Variants in MRPL48 observed in about 807,000 individuals in gnomAD.
MRPL48 encodes the protein mitochondrial ribosomal protein L48.
A neutral mutation model predicts 32.9 loss-of-function variants in MRPL48; 16 were observed. The observed-to-expected ratio is 0.49, with a 90% CI of 0.33 to 0.74. The LOEUF (loss-of-function observed/expected upper bound fraction) is 0.74. Ranked by LOEUF, MRPL48 falls within the 30% of genes least tolerant of loss-of-function variation. The probability of loss-of-function intolerance (pLI) is 0.02; values close to 1 mark genes in which losing one functional copy is unlikely to be tolerated. For missense variants in MRPL48, 206 were observed against 245.3 expected (o/e 0.84, Z 1.07); for synonymous variants, 94 against 89.2 (o/e 1.05, Z -0.31).
intron 4 of MRPL48, among the ~76,000 whole-genome samples, chr11:73,836,290 G>A (rs1366110809): frequency 6.6e-6 from 1 of 152,008 alleles, no homozygotes. Context: ...CACCTCCTGG[G>A]TTCAAGCGAT....
intron 3 of MRPL48, among the ~76,000 whole-genome samples, chr11:73,815,336 C>A (rs1003121417): frequency 6.6e-6 from 1 of 152,092 alleles, no homozygotes; most frequent in Non-Finnish European, 1.5e-5. Context: ...ATAGCTTGAA[C>A]CTGGGAGGCG....
chr11:73,793,111 G>C (rs181468637), intron 1 of MRPL48, among the ~76,000 whole-genome samples: 1 of 152,200 alleles, frequency 6.6e-6, no homozygotes, highest in Admixed American at 6.6e-5. Flanking sequence ...TGTTGCCCAG[G>C]CTGGAGTGCA....
At chr11:73,828,317 T>C (rs1947937145) in intron 4 of MRPL48, among the ~76,000 whole-genome samples, 1 of 151,564 alleles carries the variant, frequency 6.6e-6, no homozygotes, top group Non-Finnish European at 1.5e-5. Flanking sequence ...CTCTGCCTCC[T>C]GGGCTCAAGA....
intron 4 of MRPL48, among the ~76,000 whole-genome samples, chr11:73,839,535 T>C (rs1257036948): frequency 6.6e-6 from 1 of 152,198 alleles, no homozygotes; most frequent in Non-Finnish European, 1.5e-5. Flanking sequence ...TAGGTGGCAC[T>C]GTAAAGTAGT....
At chr11:73,851,900 T>C (rs1948396417) in intron 5 of MRPL48, among the ~76,000 whole-genome samples, 1 of 149,818 alleles carries the variant, frequency 6.7e-6, no homozygotes, top group South Asian at 2.1e-4. Flanking sequence ...AAGGGGAACC[T>C]CCTAGTTTCA....
chr11:73,811,845 T>G (rs562891529), intron 3 of MRPL48, among the ~76,000 whole-genome samples: 1 of 152,308 alleles, frequency 6.6e-6, no homozygotes, highest in Non-Finnish European at 1.5e-5. Context: ...AAACTTAAAC[T>G]GTACAAAAGT....
At chr11:73,845,793 C>T (rs528041739) in intron 5 of MRPL48, among the ~76,000 whole-genome samples, 50 of 151,946 alleles carry the variant, frequency 3.3e-4, no homozygotes, top group African/African-American at 1.0e-3. Context: ...ACAAGCCAGG[C>T]GCGGTAGCTC....
intron 4 of MRPL48, chr11:73,842,433 A>G (rs1565104848): frequency 6.6e-6 from 1 of 152,192 alleles, no homozygotes; most frequent in Non-Finnish European, 1.5e-5. Flanking sequence ...GTTTTATCTT[A>G]AAGACCTTTC....
At chr11:73,816,172 C>T (rs902463419) in intron 3 of MRPL48, among the ~76,000 whole-genome samples, 19 of 151,842 alleles carry the variant, frequency 1.3e-4, no homozygotes, top group Non-Finnish European at 1.6e-4. Context: ...TGCCATTCTC[C>T]TGCCTCAGCC....
At chr11:73,817,377 A>G (rs1250286970) in intron 3 of MRPL48, among the ~76,000 whole-genome samples, 1 of 152,198 alleles carries the variant, frequency 6.6e-6, no homozygotes, top group Non-Finnish European at 1.5e-5. Context: ...AAGTAGAACT[A>G]TTGGGTCAAA....
At chr11:73,850,786 C>T (rs1457662013) in intron 5 of MRPL48, 1 of 220,816 alleles carries the variant, frequency 4.5e-6, no homozygotes, top group Non-Finnish European at 9.0e-6. Context: ...ACTCCATTCT[C>T]CTGCCTCAGC....
intron 3 of MRPL48, among the ~76,000 whole-genome samples, chr11:73,821,693 T>C (rs1489835850): frequency 6.6e-6 from 1 of 152,164 alleles, no homozygotes; most frequent in African/African-American, 2.4e-5. Flanking sequence ...TGCATTGATA[T>C]TAGTGTCTGT....
chr11:73,851,349 A>G (rs1014735045), intron 5 of MRPL48: 2 of 224,138 alleles, frequency 8.9e-6, no homozygotes, highest in Non-Finnish European at 1.8e-5. Context: ...CTGCCTGACA[A>G]GTATTTTCAG....
chr11:73,846,228 G>A (rs1455077008), intron 5 of MRPL48, among the ~76,000 whole-genome samples: 1 of 152,134 alleles, frequency 6.6e-6, no homozygotes, highest in East Asian at 1.9e-4. Flanking sequence ...GAATCATATA[G>A]TATTTGTCTT....
At position 73,853,680 on chromosome 11, in the gene MRPL48, C is replaced by CTTTTTTTTTTTTTTTTTTTTTTTT. The variant is rs58486952; in HGVS notation, c.372-6222_372-6199dup. On this transcript the variant is annotated intron_variant, in intron 5 of 7. Transcript: ENST00000310614. ...AGCTGGCGGGAATTAGAGATAGCTT[C>CTTTTTTTTTTTTTTTTTTTTTTTT]TTTTTTTTTTTTTTTTTTTTTTTTT... Among the ~76,000 whole-genome samples, 2 of 79,118 alleles carry CTTTTTTTTTTTTTTTTTTTTTTTT rather than the reference C, an allele frequency of 2.5e-5. 1 individual carries two copies. 51.9% of individuals were successfully genotyped at this position (79,118 alleles called of 152,430 possible). A position where few individuals can be genotyped will look rare whatever the true frequency, so the allele number is the denominator to read the frequency against.
At chr11:73,816,860 C>T (rs989180682) in intron 3 of MRPL48, among the ~76,000 whole-genome samples, 5 of 150,726 alleles carry the variant, frequency 3.3e-5, no homozygotes, top group South Asian at 2.1e-4. Context: ...GAGTCTCACT[C>T]TGTCGCCCAC....
intron 3 of MRPL48, 104 bp downstream of exon 3, chr11:73,808,454 G>A: frequency 3.4e-6 from 4 of 1,187,504 alleles, no homozygotes; most frequent in Non-Finnish European, 4.8e-6. Context: ...TGAGAACAGT[G>A]GCCTGAACCA....
Position 73,828,931 on chromosome 11 carries a change from C to T in MRPL48, c.201+3135C>T, listed in dbSNP as rs534935711. Among the ~76,000 whole-genome samples the T allele has an allele frequency of 2.0e-5, 3 of 152,220 alleles. No homozygotes were observed. In the South Asian group the frequency reaches 6.2e-4, roughly 32 times the overall value. On this transcript the variant is annotated intron_variant, in intron 4 of 7. Transcript: ENST00000310614. ...AGATATCCCCCTTCTAAAAGTCCCA[C>T]ATAAAATAGTGGGAAATAAAATTAG...
In MRPL48 at chr11:73,790,062, A is replaced by ATTTTTTT. The variant is rs34534770; in HGVS notation, c.21+2089_21+2095dup. 9.6e-5 allele frequency among the ~76,000 whole-genome samples: 10 copies of ATTTTTTT among 103,828 alleles called. 1 individual carries two copies. The highest frequency in any genetic ancestry group is 3.2e-4 in the Admixed American group (3 of 9,342). 68.1% of individuals were successfully genotyped at this position (103,828 alleles called of 152,430 possible). On this transcript the variant is annotated intron_variant, in intron 1 of 7. Transcript: ENST00000310614. Reference sequence around the variant, plus strand: ...AGGTGTACACCACCATGCTCAGCTAATTTTTTTTTTTTTTTTTTTTTTTTT... The same window carrying ATTTTTTT: ...AGGTGTACACCACCATGCTCAGCTAATTTTTTTTTTTTTTTTTTTTTTTTTTTTTTTT...
Sources: gnomAD v4.1 joint callset for allele counts (sites outside exome capture counted in the v4.1 genomes callset) on GRCh38, gnomAD v4.1.1 for gene constraint, MANE v1.5 for transcripts, NCBI Gene and HGNC (gene_info 2026-07-23, HGNC 2026-07-21) for gene names.